Variants in MAD1L1 observed in about 807,000 individuals in gnomAD.
MAD1L1 encodes the protein mitotic spindle assembly checkpoint protein MAD1.
Under a neutral mutation model 96.9 loss-of-function variants are expected in MAD1L1, and 95 were observed. The observed-to-expected ratio is 0.98, with a 90% CI of 0.83 to 1.16. The LOEUF (loss-of-function observed/expected upper bound fraction) is 1.16, where lower values mean the gene tolerates loss of function less well. MAD1L1 is among the 50% of genes most tolerant of loss of function. The pLI is 0.00. For synonymous variants in MAD1L1, 473 were observed against 396.6 expected (o/e 1.19, Z -2.29); for missense variants, 1,007 against 954.4 (o/e 1.06, Z -0.73).
intron 18 of MAD1L1, among the ~76,000 whole-genome samples, chr7:1,834,216 A>G (rs1782840441): frequency 6.6e-6 from 1 of 152,218 alleles, no homozygotes; most frequent in Non-Finnish European, 1.5e-5. Flanking sequence ...GAATGTCCAC[A>G]TTAAAAAAAA....
intron 12 of MAD1L1, among the ~76,000 whole-genome samples, chr7:2,066,545 C>T (rs1026114052): frequency 2.6e-5 from 4 of 152,226 alleles, no homozygotes; most frequent in East Asian, 1.9e-4. Context: ...GTGAGGCTGG[C>T]GCGGGCCAGA....
chr7:2,130,158 G>A (rs1788444291), intron 11 of MAD1L1, among the ~76,000 whole-genome samples: 1 of 152,262 alleles, frequency 6.6e-6, no homozygotes, highest in Non-Finnish European at 1.5e-5. Context: ...TCCCTGCCCT[G>A]CCTTCGGCCC....
rs545831528 is a variant in MAD1L1 at position 2,203,043 on chromosome 7, C to T, written c.986+10169G>A. 2.6e-4 allele frequency among the ~76,000 whole-genome samples: 39 copies of T among 152,350 alleles called. 1 individual carries two copies. The South Asian group carries it at 6.6e-3, about 26-fold the overall frequency. On this transcript the variant is annotated intron_variant, in intron 10 of 18. Coordinates refer to ENST00000265854, the MANE Select transcript of MAD1L1 (RefSeq NM_001013836.2). ...CAATGCCCGCCTCCCACCTCCCCAG[C>T]CCAGCCTCCTCTGCAGCCCCTCCTC...
At chr7:2,049,688 G>C (rs899308265) in intron 12 of MAD1L1, among the ~76,000 whole-genome samples, 1 of 152,200 alleles carries the variant, frequency 6.6e-6, no homozygotes, top group African/African-American at 2.4e-5. Flanking sequence ...GCCTGGCGTG[G>C]GTGGCCAGAC....
chr7:1,941,336 G>T (rs529672869), intron 16 of MAD1L1, among the ~76,000 whole-genome samples: 1 of 152,130 alleles, frequency 6.6e-6, no homozygotes, highest in Non-Finnish European at 1.5e-5. Context: ...CATCATCCTG[G>T]GATGAGGTTT....
At chr7:2,220,239 CT>C (rs985934735) in intron 5 of MAD1L1, among the ~76,000 whole-genome samples, 5 of 152,202 alleles carry the variant, frequency 3.3e-5, no homozygotes, top group African/African-American at 1.2e-4. Flanking sequence ...AGGAGCGCCC[CT>C]GGGGAGGCGG....
intron 11 of MAD1L1, among the ~76,000 whole-genome samples, chr7:2,131,873 C>T (rs1476148026): frequency 6.6e-6 from 1 of 152,226 alleles, no homozygotes; most frequent in Non-Finnish European, 1.5e-5. Flanking sequence ...CGGCAACTGG[C>T]AGTCACACAA....
intron 14 of MAD1L1, among the ~76,000 whole-genome samples, chr7:1,998,380 G>A (rs1337703433): frequency 2.0e-5 from 3 of 152,260 alleles, no homozygotes; most frequent in Admixed American, 6.5e-5. Flanking sequence ...CTCCAGGGCA[G>A]CTGCAGGTGC....
intron 9 of MAD1L1, 47 bp from the exon 10 acceptor site, chr7:2,213,320 A>T: frequency 1.3e-6 from 2 of 1,532,114 alleles, no homozygotes; most frequent in South Asian, 2.2e-5. Context: ...CTGCCACAGG[A>T]TCATCACATA....
intron 18 of MAD1L1, among the ~76,000 whole-genome samples, chr7:1,896,059 CTG>C (rs1786849690): frequency 6.6e-6 from 1 of 152,238 alleles, no homozygotes; most frequent in South Asian, 2.1e-4. Flanking sequence ...CTCCCGTACG[CTG>C]TGTGTCCTTT....
intron 14 of MAD1L1, among the ~76,000 whole-genome samples, chr7:1,984,423 G>A (rs1781054795): frequency 1.3e-5 from 2 of 152,102 alleles, no homozygotes; most frequent in Admixed American, 1.3e-4. Context: ...TGGGTTTTAC[G>A]CACATATGTA....
rs566658361 is a variant in MAD1L1, at chr7:1,900,190, C to T, written c.1808-1800G>A. Among the ~76,000 whole-genome samples the T allele has an allele frequency of 2.0e-5, 3 of 152,370 alleles. No individual in the cohort carries two copies. The South Asian group carries it at 6.2e-4, about 32-fold the overall frequency. On this transcript the variant is annotated intron_variant, in intron 17 of 18. Transcript: ENST00000265854. ...TATGAACACGATCCGATCCCCAATC[C>T]ACACACAATGACACCCAGGCTCACA...
intron 18 of MAD1L1, among the ~76,000 whole-genome samples, chr7:1,836,571 G>T (rs1036388972): frequency 4.1e-4 from 62 of 152,276 alleles, no homozygotes; most frequent in African/African-American, 1.4e-3. Context: ...CACTGAAAAT[G>T]AGAACACATT....
intron 18 of MAD1L1, among the ~76,000 whole-genome samples, chr7:1,893,173 A>G (rs1033372928): frequency 3.3e-5 from 5 of 152,138 alleles, no homozygotes; most frequent in Non-Finnish European, 7.4e-5. Context: ...GCTGGAGCTG[A>G]GATTTGCCTG....
chr7:1,949,777 C>T (rs1015079223), intron 16 of MAD1L1, among the ~76,000 whole-genome samples: 1 of 152,346 alleles, frequency 6.6e-6, no homozygotes, highest in East Asian at 1.9e-4. Context: ...AGACCTCCAT[C>T]GTGCCATGTC....
intron 13 of MAD1L1, among the ~76,000 whole-genome samples, chr7:2,006,694 C>T (rs557591715): frequency 2.6e-5 from 4 of 152,146 alleles, no homozygotes; most frequent in Admixed American, 2.0e-4. Context: ...CATCACTAAA[C>T]CCGCACGGCC....
At chr7:1,988,981 C>T (rs1309796193) in intron 14 of MAD1L1, among the ~76,000 whole-genome samples, 1 of 152,256 alleles carries the variant, frequency 6.6e-6, no homozygotes, top group African/African-American at 2.4e-5. Context: ...TGGGCTGCCT[C>T]ACAGGAGCCC....
intron 7 of MAD1L1, 46 bp downstream of exon 7, chr7:2,217,916 G>A (rs750153996): frequency 1.3e-6 from 2 of 1,524,640 alleles, no homozygotes; most frequent in South Asian, 1.1e-5. Context: ...GGAGAGTCAA[G>A]GCCACCACAG....
At chr7:1,937,177 C>A (rs1433983958) in intron 16 of MAD1L1, among the ~76,000 whole-genome samples, 1 of 152,222 alleles carries the variant, frequency 6.6e-6, no homozygotes, top group Non-Finnish European at 1.5e-5. Context: ...GGACATGCGG[C>A]CTTTGCTCAG....
Sources: gnomAD v4.1 joint callset for allele counts (sites outside exome capture counted in the v4.1 genomes callset) on GRCh38, gnomAD v4.1.1 for gene constraint, MANE v1.5 for transcripts, NCBI Gene and HGNC (gene_info 2026-07-23, HGNC 2026-07-21) for gene names.